TMCO5A: variants seen among roughly 807,000 people sequenced by gnomAD.
The protein encoded by TMCO5A is transmembrane and coiled-coil domains 5A.
A neutral mutation model predicts 42.3 loss-of-function variants in TMCO5A; 34 were observed. The observed-to-expected ratio is 0.80, with a 90% confidence interval of 0.61 to 1.07. The LOEUF (loss-of-function observed/expected upper bound fraction) is 1.07, where lower values mean the gene tolerates loss of function less well. Among genes scored for constraint, TMCO5A ranks in the 50% least tolerant of loss-of-function variants. TMCO5A has a pLI of 0.00. For missense variants in TMCO5A, 357 were observed against 327.9 expected, an observed-to-expected ratio of 1.09 and a Z score of -0.69; for synonymous variants, 131 against 115.6, an observed-to-expected ratio of 1.13 and a Z score of -0.86.
intron 11 of TMCO5A, 107 bp downstream of exon 11, chr15:37,947,803 C>A: frequency 3.1e-6 from 2 of 641,478 alleles, no homozygotes; most frequent in Non-Finnish European, 5.5e-6. Context: ...TATGCGTGTG[C>A]ACACATACAC....
the TMCO5A span, among the ~76,000 whole-genome samples, chr15:38,039,811 C>T: frequency 6.6e-6 from 1 of 152,218 alleles, no homozygotes; most frequent in Non-Finnish European, 1.5e-5. Context: ...GCTACACAAA[C>T]ACCACATATT....
At chr15:37,951,650 T>A (rs988214584), downstream of TMCO5A, 1 of 154,228 alleles carries the variant, frequency 6.5e-6, no homozygotes, top group Non-Finnish European at 1.4e-5. Flanking sequence ...AATACATAAG[T>A]ATTTATACTT....
intron 10 of TMCO5A, among the ~76,000 whole-genome samples, chr15:37,945,431 G>A (rs988692270): frequency 6.6e-6 from 1 of 152,054 alleles, no homozygotes; most frequent in Admixed American, 6.6e-5. Flanking sequence ...TCTGCCTCTA[G>A]GTCTCTGAGG....
chr15:38,012,396 A>T, the TMCO5A span, among the ~76,000 whole-genome samples: 1 of 152,168 alleles, frequency 6.6e-6, no homozygotes, highest in African/African-American at 2.4e-5. Context: ...AGCAGAAAAT[A>T]TCTTCAATTT....
chr15:37,958,664 G>C (rs539675365), intron 11 of TMCO5A, among the ~76,000 whole-genome samples: 2 of 152,296 alleles, frequency 1.3e-5, no homozygotes, highest in South Asian at 4.1e-4. Flanking sequence ...CTTTTACACT[G>C]TTGGTGGGAG....
chr15:38,033,296 C>G, the TMCO5A span, among the ~76,000 whole-genome samples: 1 of 152,172 alleles, frequency 6.6e-6, no homozygotes, highest in African/African-American at 2.4e-5. Flanking sequence ...ATTTAAAATT[C>G]TTCAAAATTA....
exon 12 of TMCO5A, chr15:37,966,846 G>A: frequency 1.6e-6 from 1 of 609,480 alleles, no homozygotes; most frequent in Non-Finnish European, 2.9e-6. Context: ...TATGTCATAT[G>A]TTCAGCCCCT....
chr15:37,989,924 C>T, the TMCO5A span, among the ~76,000 whole-genome samples: 1 of 152,014 alleles, frequency 6.6e-6, no homozygotes, highest in African/African-American at 2.4e-5. Flanking sequence ...TCCCAAAAGC[C>T]CCACTTCTCA....
intron 11 of TMCO5A, among the ~76,000 whole-genome samples, chr15:37,958,984 C>T (rs1170763485): frequency 6.6e-6 from 1 of 151,942 alleles, no homozygotes; most frequent in Non-Finnish European, 1.5e-5. Flanking sequence ...ATGGATGAAG[C>T]TGGAAACCAT....
the TMCO5A span, chr15:37,984,890 A>C: frequency 6.6e-6 from 1 of 151,904 alleles, no homozygotes; most frequent in Admixed American, 6.6e-5. Context: ...TTGTTATAGC[A>C]GGAGAAATGG....
Position 37,943,605 on chromosome 15 carries a change from CAAAT to C in TMCO5A, c.627+210_627+213del, listed in dbSNP as rs1289094085. On this transcript the variant is annotated intron_variant, in intron 10 of 11. Coordinates refer to ENST00000319669, the MANE Select transcript of TMCO5A (RefSeq NM_152453.4). ...TCTACTTTCTTCTCATTCAGCCATA[CAAAT>C]AACAGGCTCTCAAAAAACTAGCCGA... is the stretch of plus-strand genomic sequence containing the variant. 5 of 532,170 alleles carry C rather than the reference CAAAT, an allele frequency of 9.4e-6. No individual in the cohort carries two copies. In the East Asian group the frequency reaches 1.6e-4, roughly 17 times the overall value. The allele number at this position is 532,170 out of a possible 1,614,324, so 33.0% of individuals were successfully genotyped here. A position where few individuals can be genotyped will look rare whatever the true frequency, so the allele number is the denominator to read the frequency against.
chr15:37,951,090 C>T lies in TMCO5A; in HGVS notation c.723C>T (p.Tyr241=), dbSNP rs1890139690. ...TATTTTTCATCAGACTGCTGAGCTA[C>T]ATGTTTTTTCATGTAAGATTCATAA... ...ITLFFIRLLS[Y]MFFHVRFINP... is the part of the protein sequence containing the mutation. Residue 241 remains tyrosine, a synonymous_variant, in exon 12 of 12, where the codon TAC becomes TAT. Transcript: ENST00000319669. The T allele has an allele frequency of 6.2e-7, 1 of 1,613,310 alleles. No individual in the cohort carries two copies. Among genetic ancestry groups the T allele is most frequent in the Non-Finnish European group, 8.5e-7 (1 of 1,179,854 alleles).
the TMCO5A span, among the ~76,000 whole-genome samples, chr15:38,032,869 G>C: frequency 6.6e-6 from 1 of 151,462 alleles, no homozygotes; most frequent in Admixed American, 6.6e-5. Flanking sequence ...TATGTTTAAA[G>C]AGCTGTAATA....
chr15:37,961,087 T>C (rs1890413851), intron 11 of TMCO5A, among the ~76,000 whole-genome samples: 1 of 152,146 alleles, frequency 6.6e-6, no homozygotes, highest in South Asian at 2.1e-4. Flanking sequence ...GCATTTGCTT[T>C]TGGGTTCTTG....
chr15:38,037,335 T>C, the TMCO5A span, among the ~76,000 whole-genome samples: 1 of 152,216 alleles, frequency 6.6e-6, no homozygotes, highest in African/African-American at 2.4e-5. Flanking sequence ...CCTTGCCCTA[T>C]AGAATATTGT....
chr15:37,946,639 C>A (rs57058908), intron 10 of TMCO5A, among the ~76,000 whole-genome samples: 2,489 of 152,072 alleles, frequency 0.016, 77 homozygotes, highest in African/African-American at 0.057. Context: ...AATGGGAGTT[C>A]ATTCATGATT....
At chr15:37,963,682 C>G (rs1257178177) in intron 11 of TMCO5A, among the ~76,000 whole-genome samples, 1 of 151,804 alleles carries the variant, frequency 6.6e-6, no homozygotes, top group African/African-American at 2.4e-5. Flanking sequence ...ATGTTGCTGT[C>G]TATCTCATTT....
the TMCO5A span, among the ~76,000 whole-genome samples, chr15:37,987,850 A>C: frequency 6.6e-6 from 1 of 151,868 alleles, no homozygotes; most frequent in South Asian, 2.1e-4. Flanking sequence ...TCGTCTCTTA[A>C]GATTCCATGT....
At chr15:37,938,727 C>T (rs574455892) in intron 6 of TMCO5A, among the ~76,000 whole-genome samples, 3 of 152,078 alleles carry the variant, frequency 2.0e-5, no homozygotes, top group East Asian at 1.9e-4. Context: ...ACTGAGTGCT[C>T]GGCAATTTAT....
Sources: allele counts gnomAD v4.1 joint callset (sites outside exome capture counted in the v4.1 genomes callset), GRCh38; gene constraint gnomAD v4.1.1; transcripts MANE v1.5; gene names NCBI Gene and HGNC (gene_info 2026-07-23, HGNC 2026-07-21).